Variants in ZNF407 observed in about 807,000 individuals in gnomAD.
ZNF407 encodes zinc finger protein 407.
Under a neutral mutation model 131.2 loss-of-function variants are expected in ZNF407, and 17 were observed. The ratio of observed to expected loss-of-function variants is 0.13; its 90% CI spans 0.09 to 0.19. ZNF407 has a LOEUF of 0.19. Among genes scored for constraint, ZNF407 ranks in the 10% least tolerant of loss-of-function variants. ZNF407 has a pLI of 1.00. For synonymous variants in ZNF407, 1,156 were observed against 1,062.0 expected (o/e 1.09, Z -1.72); for missense variants, 2,681 against 2,830.6 (o/e 0.95, Z 1.20).
intron 8 of ZNF407, among the ~76,000 whole-genome samples, chr18:74,976,859 TGGTGGA>T: frequency 6.6e-6 from 1 of 152,110 alleles, no homozygotes; most frequent in Non-Finnish European, 1.5e-5. Flanking sequence ...TATTTAAAAT[TGGTGGA>T]TTAACTAAAT....
At chr18:74,666,605 C>G (rs1467939305) in intron 3 of ZNF407, among the ~76,000 whole-genome samples, 1 of 152,154 alleles carries the variant, frequency 6.6e-6, no homozygotes, top group Admixed American at 6.5e-5. Context: ...CACCTTGAGA[C>G]TGAGTATGTC....
chr18:74,655,002 A>G (rs1985390291), intron 3 of ZNF407, among the ~76,000 whole-genome samples: 2 of 151,966 alleles, frequency 1.3e-5, no homozygotes, highest in South Asian at 4.1e-4. Flanking sequence ...ATGACTAAAA[A>G]GTGGTATTTT....
At chr18:74,759,503 G>T (rs547927007) in intron 3 of ZNF407, among the ~76,000 whole-genome samples, 1 of 151,318 alleles carries the variant, frequency 6.6e-6, no homozygotes, top group East Asian at 1.9e-4. Context: ...TTGTTTCCTG[G>T]TCATTTTTCC....
At chr18:74,732,857 G>A (rs1287457287) in intron 3 of ZNF407, among the ~76,000 whole-genome samples, 2 of 151,504 alleles carry the variant, frequency 1.3e-5, no homozygotes, top group Non-Finnish European at 2.9e-5. Context: ...GTTACATTTT[G>A]AAATCTATTC....
chr18:74,633,883 C>G lies in ZNF407; in HGVS notation c.2864C>G (p.Ser955Cys). 1 of 1,614,000 alleles carries G rather than the reference C, an allele frequency of 6.2e-7. No individual in the cohort carries two copies. The highest frequency in any genetic ancestry group is 8.5e-7 in the Non-Finnish European group (1 of 1,179,900). ...AACAAACCAGCTGAGTCACCCACCT[C>G]CGTTTTAGAGAAGCCAGATCGTGGA... ...HANKPAESPT[S>C]VLEKPDRGNS... The change falls in exon 2 of 9, where the codon TCC becomes TGC. Residue 955 changes from serine (S) to cysteine (C), a missense_variant. Physicochemically the swap from Ser to Cys is moderately radical, Grantham distance 112. Transcript: ENST00000299687.
intron 3 of ZNF407, among the ~76,000 whole-genome samples, chr18:74,768,859 T>A (rs532214361): frequency 1.4e-4 from 22 of 152,352 alleles, no homozygotes; most frequent in Non-Finnish European, 2.6e-4. Context: ...TTATTTTTAA[T>A]ATTTGCATGG....
intron 1 of ZNF407, among the ~76,000 whole-genome samples, chr18:74,617,930 C>A (rs1301603420): frequency 6.6e-6 from 1 of 152,140 alleles, no homozygotes; most frequent in Non-Finnish European, 1.5e-5. Context: ...CTATCTCCAG[C>A]ACTCCCTCCA....
At chr18:74,857,807 G>A (rs1197935892) in intron 4 of ZNF407, among the ~76,000 whole-genome samples, 4 of 151,908 alleles carry the variant, frequency 2.6e-5, no homozygotes, top group African/African-American at 9.7e-5. Flanking sequence ...ATTTTATGTT[G>A]ATGGCAAATG....
rs564566151 is a variant in ZNF407 at position 74,929,209 on chromosome 18, C to A, written c.5428+8517C>A. 3.5e-4 allele frequency among the ~76,000 whole-genome samples: 53 copies of A among 152,130 alleles called. 2 individuals are homozygous for A. In the Middle Eastern group the frequency reaches 0.027, roughly 78 times the overall value. On this transcript the variant is annotated intron_variant, in intron 8 of 8. Coordinates refer to ENST00000299687, the MANE Select transcript of ZNF407 (RefSeq NM_017757.3). ...TCTCCCCTTCCTTGAGTGTGCTGGC[C>A]AAGTGTGATGGCCTGTATGATTCGA...
rs568088951 is a variant in ZNF407, at chr18:74,769,025, C to G, written c.4803-12403C>G. Reference sequence around the variant, plus strand: ...TCGTCATTGTCATCATTATCATCATCATTGCAGTGGGCTAACAATTCCAGA... The same window carrying G: ...TCGTCATTGTCATCATTATCATCATGATTGCAGTGGGCTAACAATTCCAGA... On this transcript the variant is annotated intron_variant, in intron 3 of 8. Transcript: ENST00000299687. 4.6e-5 allele frequency among the ~76,000 whole-genome samples: 7 copies of G among 152,218 alleles called. No homozygotes were observed. In the East Asian group the frequency reaches 1.2e-3, roughly 25 times the overall value.
chr18:74,852,195 A>ACACG (rs1281616919), intron 4 of ZNF407, among the ~76,000 whole-genome samples: 95 of 61,978 alleles, frequency 1.5e-3, no homozygotes, highest in African/African-American at 5.0e-3. Context: ...ACACACACAC[A>ACACG]CACGCACGCA....
chr18:74,898,390 T>C (rs1220402873), intron 7 of ZNF407: 1 of 152,234 alleles, frequency 6.6e-6, no homozygotes, highest in Non-Finnish European at 1.5e-5. Flanking sequence ...TTATTAGAAG[T>C]TCTAGAAAAA....
At chr18:74,980,392 C>T (rs576995069) in intron 8 of ZNF407, among the ~76,000 whole-genome samples, 2 of 152,138 alleles carry the variant, frequency 1.3e-5, no homozygotes, top group South Asian at 2.1e-4. Context: ...ACTACATCAG[C>T]CTCCCAGGTT....
intron 3 of ZNF407, among the ~76,000 whole-genome samples, chr18:74,720,033 C>T (rs115033982): frequency 3.8e-4 from 58 of 152,124 alleles, no homozygotes; most frequent in Middle Eastern, 3.4e-3. Context: ...ATTGCTGCAT[C>T]GCATGGTTGA....
intron 4 of ZNF407, among the ~76,000 whole-genome samples, chr18:74,811,185 ACAAAC>A (rs1230924566): frequency 2.9e-5 from 3 of 105,010 alleles, no homozygotes; most frequent in African/African-American, 5.9e-5. Flanking sequence ...CAAGAAAAAA[ACAAAC>A]AACCCCATCA....
At chr18:75,007,371 T>C (rs1435251439) in intron 8 of ZNF407, among the ~76,000 whole-genome samples, 1 of 152,174 alleles carries the variant, frequency 6.6e-6, no homozygotes, top group Non-Finnish European at 1.5e-5. Context: ...ATGTGACAAG[T>C]GTAAATGTTG....
At chr18:74,648,000 A>G (rs1411704617) in intron 3 of ZNF407, among the ~76,000 whole-genome samples, 1 of 152,198 alleles carries the variant, frequency 6.6e-6, no homozygotes, top group Non-Finnish European at 1.5e-5. Flanking sequence ...TTGGAAGAGC[A>G]CTGCAGGCAA....
chr18:74,727,729 G>T (rs1463455), intron 3 of ZNF407, among the ~76,000 whole-genome samples: 1 of 152,042 alleles, frequency 6.6e-6, no homozygotes, highest in South Asian at 2.1e-4. Flanking sequence ...GTCGCCATGC[G>T]CGGCAGGTAA....
chr18:74,610,706 A>C (rs2144618552), intron 1 of ZNF407, among the ~76,000 whole-genome samples: 1 of 151,316 alleles, frequency 6.6e-6, no homozygotes, highest in South Asian at 2.1e-4. Flanking sequence ...CCACTACCAC[A>C]CCGGGCTAAT....
Sources: allele counts gnomAD v4.1 joint callset (sites outside exome capture counted in the v4.1 genomes callset), GRCh38; gene constraint gnomAD v4.1.1; transcripts MANE v1.5; gene names NCBI Gene and HGNC (gene_info 2026-07-23, HGNC 2026-07-21).